Variants in TTLL1 observed in about 807,000 individuals in gnomAD.
The protein encoded by TTLL1 is polyglutamylase complex subunit TTLL1.
A neutral mutation model predicts 47.8 loss-of-function variants in TTLL1; 33 were observed. That is an observed-to-expected ratio of 0.69 (90% CI 0.52 to 0.92). TTLL1 has a LOEUF of 0.92. Among genes scored for constraint, TTLL1 ranks in the 40% least tolerant of loss-of-function variants. The pLI is 0.00. For missense variants in TTLL1, 488 were observed against 547.5 expected (o/e 0.89, Z 1.08); for synonymous variants, 225 against 214.1 (o/e 1.05, Z -0.45).
chr22:43,076,053 G>C (rs1387395681), intron 2 of TTLL1, among the ~76,000 whole-genome samples: 1 of 152,172 alleles, frequency 6.6e-6, no homozygotes, highest in African/African-American at 2.4e-5. Flanking sequence ...GGGACCCTCG[G>C]GCCGACTTCC....
At chr22:43,067,802 CCTCT>C (rs1420147556) in intron 5 of TTLL1, among the ~76,000 whole-genome samples, 2 of 151,588 alleles carry the variant, frequency 1.3e-5, no homozygotes, top group East Asian at 2.0e-4. Context: ...CAAAACCCCA[CCTCT>C]CTCTCTTTCT....
intron 5 of TTLL1, among the ~76,000 whole-genome samples, chr22:43,066,793 C>T (rs1438249316): frequency 6.6e-6 from 1 of 151,624 alleles, no homozygotes; most frequent in Non-Finnish European, 1.5e-5. Context: ...AGTTAGAGAC[C>T]AGCCTGGCCA....
chr22:43,045,470 A>AT (rs57003421), intron 10 of TTLL1, among the ~76,000 whole-genome samples: 11,027 of 107,996 alleles, frequency 0.1, 1,274 homozygotes, highest in African/African-American at 0.23. Context: ...TATTATACCC[A>AT]TTTTTTTTTT....
chr22:43,084,142 A>T (rs1929072710), intron 1 of TTLL1, among the ~76,000 whole-genome samples: 1 of 151,628 alleles, frequency 6.6e-6, no homozygotes, highest in African/African-American at 2.4e-5. Context: ...TTCTGAAAAA[A>T]CTCTAAACAT....
intron 7 of TTLL1, among the ~76,000 whole-genome samples, chr22:43,062,813 C>T (rs1051266897): frequency 6.6e-6 from 1 of 151,926 alleles, no homozygotes; most frequent in Non-Finnish European, 1.5e-5. Context: ...GGCAACAGAG[C>T]GAGACTCCGC....
intron 8 of TTLL1, chr22:43,052,108 T>C (rs1926676789): frequency 3.6e-6 from 2 of 554,612 alleles, no homozygotes; most frequent in Non-Finnish European, 6.6e-6. Flanking sequence ...GATGAAGCCG[T>C]AATGGGCATC....
chr22:43,052,824 G>A (rs971222033), intron 8 of TTLL1, among the ~76,000 whole-genome samples: 3 of 151,920 alleles, frequency 2.0e-5, no homozygotes, highest in Admixed American at 6.6e-5. Context: ...TTTGGGAGGC[G>A]GAGGCAGGTG....
intron 8 of TTLL1, 37 bp downstream of exon 8, chr22:43,059,347 C>T: frequency 6.3e-7 from 1 of 1,587,300 alleles, no homozygotes; most frequent in South Asian, 1.1e-5. Flanking sequence ...CCCAAACGGG[C>T]CCTGGGAGCC....
intron 10 of TTLL1, among the ~76,000 whole-genome samples, chr22:43,045,989 G>A (rs1238747013): frequency 6.6e-6 from 1 of 152,166 alleles, no homozygotes; most frequent in East Asian, 1.9e-4. Flanking sequence ...GGGAGGCCGA[G>A]GTGGGAGAAT....
chr22:43,068,314 C>CA lies in TTLL1; in HGVS notation c.503+95dup, dbSNP rs371186249. The CA allele has an allele frequency of 3.8e-3, 4,220 of 1,109,768 alleles. 2 individuals carry two copies. The highest frequency in any genetic ancestry group is 6.6e-3 in the South Asian group (257 of 39,092). The allele number at this position is 1,109,768 out of a possible 1,614,324, so 68.7% of individuals were successfully genotyped here. A position where few individuals can be genotyped will look rare whatever the true frequency, so the allele number is the denominator to read the frequency against. ...CCTGGGCGACAGAGTGAGACTCTGT[C>CA]AAAAAAAAACCAAACAAAAACCCAC... On this transcript the variant is annotated intron_variant, in intron 5 of 10. Transcript: ENST00000266254.
intron 8 of TTLL1, among the ~76,000 whole-genome samples, chr22:43,054,964 T>C (rs1343746251): frequency 6.6e-6 from 1 of 151,562 alleles, no homozygotes; most frequent in Non-Finnish European, 1.5e-5. Context: ...GACCTTGTGA[T>C]CCGCCCGCCT....
intron 8 of TTLL1, 90 bp from the exon 9 acceptor site, chr22:43,051,977 G>A (rs2076159): frequency 0.069 from 84,506 of 1,221,004 alleles, 3,580 homozygotes; most frequent in African/African-American, 0.16. Flanking sequence ...ATCGTCCCAC[G>A]TCCCGACCTC....
At chr22:43,065,947 T>A (rs1167911399) in intron 5 of TTLL1, among the ~76,000 whole-genome samples, 2 of 151,548 alleles carry the variant, frequency 1.3e-5, no homozygotes. Flanking sequence ...GATCACGAGG[T>A]CAGGAGTTCA....
chr22:43,060,845 C>T (rs1927344834), intron 7 of TTLL1, among the ~76,000 whole-genome samples: 1 of 152,176 alleles, frequency 6.6e-6, no homozygotes, highest in Admixed American at 6.6e-5. Context: ...AACCAGCCTA[C>T]TAACTCTTCG....
At chr22:43,059,559 A>T in intron 7 of TTLL1, 32 bp from the exon 8 acceptor site, 1 of 1,600,880 alleles carries the variant, frequency 6.2e-7, no homozygotes, top group South Asian at 1.1e-5. Context: ...GGCATCCCTC[A>T]GGCTATGCAC....
At chr22:43,045,470 AT>A (rs57003421) in intron 10 of TTLL1, among the ~76,000 whole-genome samples, 11,326 of 107,538 alleles carry the variant, frequency 0.11, 423 homozygotes, top group East Asian at 0.36. Context: ...TATTATACCC[AT>A]TTTTTTTTTT....
At chr22:43,061,051 G>A (rs1441456553) in intron 7 of TTLL1, among the ~76,000 whole-genome samples, 4 of 152,036 alleles carry the variant, frequency 2.6e-5, no homozygotes, top group African/African-American at 9.7e-5. Context: ...CCAGCCAGGT[G>A]TGGTGGCGTG....
intron 1 of TTLL1, among the ~76,000 whole-genome samples, 168 bp downstream of exon 1, chr22:43,089,109 G>A (rs1229338234): frequency 6.6e-6 from 1 of 152,202 alleles, no homozygotes; most frequent in Admixed American, 6.5e-5. Flanking sequence ...ACGGTGGTTA[G>A]CGCGGGCTTC....
intron 3 of TTLL1, 187 bp from the exon 4 acceptor site, chr22:43,070,031 AC>A: frequency 8.3e-7 from 1 of 1,205,202 alleles, no homozygotes. Flanking sequence ...ACAGGCCGGG[AC>A]CCAAGTGGTG....
Sources: allele counts gnomAD v4.1 joint callset (sites outside exome capture counted in the v4.1 genomes callset), GRCh38; gene constraint gnomAD v4.1.1; transcripts MANE v1.5; gene names NCBI Gene and HGNC (gene_info 2026-07-23, HGNC 2026-07-21).